Variants in SORCS2 observed in about 807,000 individuals in gnomAD.
The protein encoded by SORCS2 is VPS10 domain-containing receptor SorCS2.
In SORCS2, 100 loss-of-function variants were observed where a neutral mutation model predicts 141.6. The ratio of observed to expected loss-of-function variants is 0.71; its 90% confidence interval spans 0.60 to 0.83. The LOEUF is 0.83. Among genes scored for constraint, SORCS2 ranks in the 40% least tolerant of loss-of-function variants. The pLI is 0.00. For synonymous variants in SORCS2, 789 were observed against 676.9 expected, an observed-to-expected ratio of 1.17 and a Z score of -2.57; for missense variants, 1,646 against 1,560.2, an observed-to-expected ratio of 1.05 and a Z score of -0.93.
chr4:7,399,535 C>T (rs1724436190), intron 2 of SORCS2, among the ~76,000 whole-genome samples: 3 of 152,208 alleles, frequency 2.0e-5, no homozygotes, highest in Admixed American at 2.0e-4. Context: ...TGCTCTGCCC[C>T]TTTCTTCTTG....
Position 7,715,326 on chromosome 4 carries a change from G to A in SORCS2, c.2252+15G>A, listed in dbSNP as rs374123489. On this transcript the variant is annotated intron_variant, in intron 17 of 26. Coordinates refer to ENST00000507866, the MANE Select transcript of SORCS2 (RefSeq NM_020777.3). ...AGCAGCCTTGGGTGAGTGTGGGTGC[G>A]GGCCTCTCCCTGCCTAAATCCGGGG... The A allele has an allele frequency of 2.7e-5, 44 of 1,612,942 alleles. No homozygotes were observed. The African/African-American group carries it at 3.7e-4, about 14-fold the overall frequency.
chr4:7,406,456 C>T (rs752843593), intron 2 of SORCS2, among the ~76,000 whole-genome samples: 4 of 147,210 alleles, frequency 2.7e-5, no homozygotes, highest in Non-Finnish European at 6.0e-5. Flanking sequence ...TCTCATGGTT[C>T]AATCTTGGTG....
chr4:7,641,821 G>GATGT (rs1720753244), intron 4 of SORCS2, among the ~76,000 whole-genome samples: 1 of 132,710 alleles, frequency 7.5e-6, no homozygotes, highest in South Asian at 2.7e-4. Flanking sequence ...TGGATGGGTG[G>GATGT]GTGGATGGAT....
chr4:7,561,103 G>A (rs1714506685), intron 3 of SORCS2, among the ~76,000 whole-genome samples: 1 of 152,166 alleles, frequency 6.6e-6, no homozygotes, highest in African/African-American at 2.4e-5. Flanking sequence ...GGAGATCAAG[G>A]TCAGAAGCTG....
At position 7,715,299 on chromosome 4, in the gene SORCS2, C is replaced by A. The variant is rs749366270; in HGVS notation, c.2240C>A (p.Thr747Asn). The A allele has an allele frequency of 6.2e-7, 1 of 1,613,994 alleles. No individual in the cohort carries two copies. The highest frequency in any genetic ancestry group is 8.5e-7 in the Non-Finnish European group (1 of 1,179,878). ...PDDCALGQTY[T>N]SSLGYRKVVS... is the part of the protein sequence containing the mutation. ...GACTGTGCCCTGGGCCAGACCTACACCAGCAGCCTTGGGTGAGTGTGGGTG... is the reference window on the plus strand; with the variant it reads ...GACTGTGCCCTGGGCCAGACCTACAACAGCAGCCTTGGGTGAGTGTGGGTG... The change falls in exon 17 of 27, where the codon ACC becomes AAC. Residue 747 changes from threonine to asparagine, a missense_variant. By Grantham distance (65) the Thr-to-Asn change is moderately conservative. Coordinates refer to ENST00000507866, the MANE Select transcript of SORCS2 (RefSeq NM_020777.3).
At chr4:7,333,463 T>C (rs2108971580) in intron 1 of SORCS2, among the ~76,000 whole-genome samples, 1 of 152,316 alleles carries the variant, frequency 6.6e-6, no homozygotes, top group East Asian at 1.9e-4. Context: ...TGGTGGGACG[T>C]GCTCCCTAAA....
chr4:7,272,079 T>C (rs1216922267), intron 1 of SORCS2, among the ~76,000 whole-genome samples: 1 of 152,200 alleles, frequency 6.6e-6, no homozygotes, highest in Admixed American at 6.5e-5. Flanking sequence ...GGAGGTGCTT[T>C]TGAGGACTCG....
At chr4:7,280,180 T>A (rs902217826) in intron 1 of SORCS2, among the ~76,000 whole-genome samples, 11 of 152,118 alleles carry the variant, frequency 7.2e-5, no homozygotes, top group Admixed American at 2.0e-4. Flanking sequence ...TACCTGGTCA[T>A]ATCTTCTACT....
intron 2 of SORCS2, among the ~76,000 whole-genome samples, chr4:7,422,149 C>T (rs1030354639): frequency 3.9e-5 from 6 of 152,334 alleles, no homozygotes; most frequent in South Asian, 2.1e-4. Flanking sequence ...TGGTCAGACA[C>T]GCCACCTGGG....
chr4:7,467,365 G>C (rs1299257528), intron 2 of SORCS2, among the ~76,000 whole-genome samples: 1 of 152,214 alleles, frequency 6.6e-6, no homozygotes, highest in Non-Finnish European at 1.5e-5. Context: ...GGGGCCCTGG[G>C]ATGAGGAGCT....
In SORCS2 at chr4:7,205,858, A is replaced by G. The variant is rs947247104; in HGVS notation, c.480+12732A>G. 2.6e-5 allele frequency among the ~76,000 whole-genome samples: 4 copies of G among 152,210 alleles called. No homozygotes were observed. The South Asian group carries it at 8.3e-4, about 32-fold the overall frequency. ...AGGAAGTTTGAGACCAGTCTGGGCA[A>G]CATGGTGAAACCCCGTCTCTACTAA... On this transcript the variant is annotated intron_variant, in intron 1 of 26. Transcript: ENST00000507866.
chr4:7,279,569 C>G (rs1479107008), intron 1 of SORCS2, among the ~76,000 whole-genome samples: 1 of 152,212 alleles, frequency 6.6e-6, no homozygotes, highest in Non-Finnish European at 1.5e-5. Context: ...AGATGTCTCT[C>G]ACAGAAACCA....
chr4:7,566,519 G>A (rs1343721733), intron 3 of SORCS2, among the ~76,000 whole-genome samples: 1 of 152,196 alleles, frequency 6.6e-6, no homozygotes, highest in Non-Finnish European at 1.5e-5. Flanking sequence ...ACTATCAGAG[G>A]CCACACAGCA....
At chr4:7,636,290 A>T (rs1720248910) in intron 3 of SORCS2, among the ~76,000 whole-genome samples, 1 of 152,232 alleles carries the variant, frequency 6.6e-6, no homozygotes, top group Admixed American at 6.5e-5. Context: ...GTACAGCCAC[A>T]ACTGCTCTCC....
rs371551110 is a variant in SORCS2 at position 7,207,518 on chromosome 4, C to T, written c.480+14392C>T. Among the ~76,000 whole-genome samples, 14 of 152,254 alleles carry T rather than the reference C, an allele frequency of 9.2e-5. No individual in the cohort carries two copies. The East Asian group carries it at 1.7e-3, about 19-fold the overall frequency. On this transcript the variant is annotated intron_variant, in intron 1 of 26. Transcript: ENST00000507866. ...GCTGCCCCGAGCTCTGAGCTGGGGC[C>T]GGCTCCCCAGTCCTCCAGGCCTGGG...
chr4:7,594,118 G>A (rs940949363), intron 3 of SORCS2, among the ~76,000 whole-genome samples: 2 of 152,184 alleles, frequency 1.3e-5, no homozygotes, highest in African/African-American at 2.4e-5. Context: ...GGCTCTAGAG[G>A]AATAAACAAC....
chr4:7,215,319 T>C (rs11727443), intron 1 of SORCS2, among the ~76,000 whole-genome samples: 110,250 of 151,976 alleles, frequency 0.73, 40,209 homozygotes, highest in East Asian at 0.82. Context: ...AGTGCCAGCC[T>C]ACCGGCGCTG....
chr4:7,649,141 G>T (rs1225071144), intron 4 of SORCS2, among the ~76,000 whole-genome samples: 1 of 152,214 alleles, frequency 6.6e-6, no homozygotes, highest in Non-Finnish European at 1.5e-5. Flanking sequence ...CTTAGCAAAG[G>T]CCTGACCCGG....
intron 1 of SORCS2, among the ~76,000 whole-genome samples, chr4:7,361,589 G>C (rs936113698): frequency 1.3e-5 from 2 of 152,090 alleles, no homozygotes; most frequent in African/African-American, 4.8e-5. Context: ...AGTCAGTGAT[G>C]GTGAATAACA....
Sources: gnomAD v4.1 joint callset for allele counts (sites outside exome capture counted in the v4.1 genomes callset) on GRCh38, gnomAD v4.1.1 for gene constraint, MANE v1.5 for transcripts, NCBI Gene and HGNC (gene_info 2026-07-23, HGNC 2026-07-21) for gene names.